Variants in RXFP1 observed in about 807,000 individuals in gnomAD.
RXFP1 encodes the protein relaxin family peptide receptor 1.
RXFP1 carries 73 observed loss-of-function variants against 89.8 expected under a neutral mutation model. The ratio of observed to expected loss-of-function variants is 0.81; its 90% CI spans 0.67 to 0.99. The LOEUF (loss-of-function observed/expected upper bound fraction) is 0.99. RXFP1 is among the 50% of genes least tolerant of loss of function. The pLI, the probability that RXFP1 is intolerant of heterozygous loss-of-function variation, is 0.00. For missense variants in RXFP1, 793 were observed against 895.5 expected (o/e 0.89, Z 1.46); for synonymous variants, 277 against 305.5 (o/e 0.91, Z 0.97).
intron 14 of RXFP1, among the ~76,000 whole-genome samples, chr4:158,644,076 G>A (rs1246101369): frequency 1.2e-4 from 15 of 121,476 alleles, no homozygotes; most frequent in Admixed American, 5.5e-4. Context: ...ACAGAGTCTC[G>A]CTCTGTCGCC....
chr4:158,603,716 C>T (rs1259707073), intron 4 of RXFP1, among the ~76,000 whole-genome samples: 1 of 151,668 alleles, frequency 6.6e-6, no homozygotes, highest in Non-Finnish European at 1.5e-5. Flanking sequence ...ATGGTGAAAC[C>T]CCATCTGTAC....
chr4:158,526,253 C>T (rs964362903), intron 1 of RXFP1, among the ~76,000 whole-genome samples: 2 of 152,210 alleles, frequency 1.3e-5, no homozygotes, highest in Admixed American at 6.5e-5. Context: ...CTTTTGTTTG[C>T]AGCACATGAA....
chr4:158,561,181 T>G (rs1466374335), intron 1 of RXFP1, among the ~76,000 whole-genome samples: 2 of 152,234 alleles, frequency 1.3e-5, no homozygotes, highest in Admixed American at 1.3e-4. Flanking sequence ...TTAACCAGTC[T>G]CATTCAAGAC....
intron 1 of RXFP1, among the ~76,000 whole-genome samples, chr4:158,546,706 A>G (rs993224384): frequency 6.6e-6 from 1 of 152,194 alleles, no homozygotes; most frequent in Admixed American, 6.5e-5. Flanking sequence ...CTATTGAGAT[A>G]ATCATGGTTT....
chr4:158,608,279 C>CTTTTTTTTTTTTTTTTT (rs756131500), intron 6 of RXFP1, among the ~76,000 whole-genome samples: 1 of 76,102 alleles, frequency 1.3e-5, no homozygotes, highest in African/African-American at 6.5e-5. Context: ...GTATTCCTTT[C>CTTTTTTTTTTTTTTTTT]TTTTTTTTTT....
At chr4:158,585,488 G>C (rs1280286673) in intron 2 of RXFP1, among the ~76,000 whole-genome samples, 1 of 152,120 alleles carries the variant, frequency 6.6e-6, no homozygotes, top group Non-Finnish European at 1.5e-5. Flanking sequence ...GGAGAGAGAT[G>C]CCTTCTCCAG....
chr4:158,650,619 A>T (rs1356529036), intron 17 of RXFP1, among the ~76,000 whole-genome samples: 1 of 151,852 alleles, frequency 6.6e-6, no homozygotes, highest in Non-Finnish European at 1.5e-5. Flanking sequence ...AAATACAAAA[A>T]TTTAGCTGCG....
At chr4:158,585,073 C>T (rs1758035051) in intron 2 of RXFP1, among the ~76,000 whole-genome samples, 2 of 152,196 alleles carry the variant, frequency 1.3e-5, no homozygotes, top group African/African-American at 4.8e-5. Context: ...GATGCTGCTG[C>T]TGGTCCCAGA....
At chr4:158,567,879 C>A (rs761422275) in intron 1 of RXFP1, among the ~76,000 whole-genome samples, 2 of 152,220 alleles carry the variant, frequency 1.3e-5, no homozygotes, top group East Asian at 1.9e-4. Context: ...TCAGCAGTGG[C>A]AACCCGCTCG....
rs1047228323 is a variant in RXFP1, at chr4:158,570,923, G to A, written c.50-1775G>A. 3.3e-5 allele frequency among the ~76,000 whole-genome samples: 5 copies of A among 152,080 alleles called. No homozygotes were observed. The East Asian group carries it at 7.7e-4, about 24-fold the overall frequency. On this transcript the variant is annotated intron_variant, in intron 1 of 17. Coordinates refer to ENST00000307765, the MANE Select transcript of RXFP1 (RefSeq NM_021634.4). ...CCCAGAGTTCCGTAATCCTCAGCCT[G>A]AAGCCTCTTCCTCACCACTTTAACT...
At chr4:158,582,569 A>C (rs1163210073) in intron 2 of RXFP1, among the ~76,000 whole-genome samples, 1 of 152,190 alleles carries the variant, frequency 6.6e-6, no homozygotes, top group African/African-American at 2.4e-5. Context: ...GGCTCACAGG[A>C]AACATTTAGT....
intron 2 of RXFP1, among the ~76,000 whole-genome samples, chr4:158,584,385 G>A (rs2150038776): frequency 6.6e-6 from 1 of 150,990 alleles, no homozygotes; most frequent in South Asian, 2.1e-4. Context: ...AGTGAGCCAA[G>A]ATCATGCCAC....
chr4:158,617,019 C>T (rs1161059923), intron 8 of RXFP1, 112 bp from the exon 9 acceptor site: 5 of 647,756 alleles, frequency 7.7e-6, no homozygotes, highest in African/African-American at 3.9e-5. Flanking sequence ...AAGGAAAAAA[C>T]AACTAATTTA....
At chr4:158,614,062 A>G (rs1398177472) in intron 8 of RXFP1, among the ~76,000 whole-genome samples, 1 of 152,176 alleles carries the variant, frequency 6.6e-6, no homozygotes, top group African/African-American at 2.4e-5. Context: ...TTGAAAGGAA[A>G]TCTTTTTTTT....
chr4:158,639,944 A>T (rs1020537412), intron 14 of RXFP1, among the ~76,000 whole-genome samples: 1 of 152,166 alleles, frequency 6.6e-6, no homozygotes, highest in African/African-American at 2.4e-5. Context: ...GAAGATGGCC[A>T]TCTATGAAAC....
intron 17 of RXFP1, among the ~76,000 whole-genome samples, chr4:158,649,965 T>G (rs1772332615): frequency 6.6e-6 from 1 of 152,198 alleles, no homozygotes; most frequent in African/African-American, 2.4e-5. Flanking sequence ...TTATTCACAA[T>G]AGCCAAAAGT....
chr4:158,536,068 C>T (rs891694321), intron 1 of RXFP1, among the ~76,000 whole-genome samples: 3 of 152,200 alleles, frequency 2.0e-5, no homozygotes, highest in African/African-American at 4.8e-5. Flanking sequence ...TCTGGAAGTA[C>T]ATACAATCTG....
At chr4:158,636,225 T>TA (rs1490943914) in intron 12 of RXFP1, among the ~76,000 whole-genome samples, 1 of 152,172 alleles carries the variant, frequency 6.6e-6, no homozygotes, top group Non-Finnish European at 1.5e-5. Context: ...TCCCCATCTC[T>TA]AAAAAATTAA....
intron 1 of RXFP1, among the ~76,000 whole-genome samples, chr4:158,552,786 C>CA (rs1750438505): frequency 6.6e-6 from 1 of 152,180 alleles, no homozygotes; most frequent in South Asian, 2.1e-4. Context: ...AAGGGCCCTA[C>CA]AGGTATCACC....
Sources: allele counts gnomAD v4.1 joint callset (sites outside exome capture counted in the v4.1 genomes callset), GRCh38; gene constraint gnomAD v4.1.1; transcripts MANE v1.5; gene names NCBI Gene and HGNC (gene_info 2026-07-23, HGNC 2026-07-21).